Variants in SEPTIN11 observed in about 807,000 individuals in gnomAD.
SEPTIN11 encodes the protein septin-11.
Under a neutral mutation model 51.4 loss-of-function variants are expected in SEPTIN11, and 25 were observed. The ratio of observed to expected loss-of-function variants is 0.49; its 90% CI spans 0.35 to 0.68. The LOEUF is 0.68. Among genes scored for constraint, SEPTIN11 ranks in the 30% least tolerant of loss-of-function variants. SEPTIN11 has a pLI of 0.00. For synonymous variants in SEPTIN11, 174 were observed against 184.1 expected (o/e 0.95, Z 0.44); for missense variants, 381 against 520.8 (o/e 0.73, Z 2.61).
intron 7 of SEPTIN11, among the ~76,000 whole-genome samples, chr4:77,026,428 A>G (rs922275373): frequency 1.3e-5 from 2 of 152,240 alleles, no homozygotes; most frequent in African/African-American, 2.4e-5. Context: ...ATTTTGCCTT[A>G]CCAGACATCC....
intron 2 of SEPTIN11, among the ~76,000 whole-genome samples, chr4:76,999,147 C>T (rs769641730): frequency 9.2e-5 from 14 of 152,178 alleles, no homozygotes; most frequent in Non-Finnish European, 1.3e-4. Flanking sequence ...CTCTCCAGGT[C>T]GTTTTCCATA....
intron 1 of SEPTIN11, chr4:76,958,928 T>C: frequency 7.3e-7 from 1 of 1,367,276 alleles, no homozygotes; most frequent in East Asian, 2.3e-5. Context: ...CTTTTGTCCC[T>C]TCTTAAAAAA....
chr4:77,003,221 T>C lies in SEPTIN11; in HGVS notation c.143-2380T>C, dbSNP rs749508452. 2.0e-5 allele frequency among the ~76,000 whole-genome samples: 3 copies of C among 152,202 alleles called. No homozygotes were observed. The East Asian group carries it at 5.8e-4, about 29-fold the overall frequency. On this transcript the variant is annotated intron_variant, in intron 2 of 9. Transcript: ENST00000264893. Reference sequence around the variant, plus strand: ...CTCTCCAATGTGGAGCCCCAGCTCATAGTGAAATGATTGGGCTTCTGTTGT... The same window carrying C: ...CTCTCCAATGTGGAGCCCCAGCTCACAGTGAAATGATTGGGCTTCTGTTGT...
At chr4:76,973,746 C>T (rs1447904866) in intron 1 of SEPTIN11, among the ~76,000 whole-genome samples, 4 of 152,088 alleles carry the variant, frequency 2.6e-5, no homozygotes, top group African/African-American at 9.7e-5. Flanking sequence ...AGAACTTGGG[C>T]GAATTTCTTT....
intron 5 of SEPTIN11, 61 bp downstream of exon 5, chr4:77,015,078 A>G: frequency 6.5e-7 from 1 of 1,544,042 alleles, no homozygotes; most frequent in Non-Finnish European, 8.9e-7. Context: ...TAGTAGCAGC[A>G]TTGTAGAGTG....
intron 1 of SEPTIN11, 22 bp from the exon 2 acceptor site, chr4:76,996,403 T>G: frequency 1.3e-6 from 2 of 1,558,586 alleles, no homozygotes; most frequent in African/African-American, 1.4e-5. Context: ...GACACTCAAA[T>G]CTTTCTCCCC....
chr4:77,028,782 C>T, intron 8 of SEPTIN11, 21 bp downstream of exon 8: 2 of 1,593,314 alleles, frequency 1.3e-6, no homozygotes, highest in Non-Finnish European at 1.7e-6. Flanking sequence ...TGTCCTGCTT[C>T]AAGGGAAAGA....
chr4:76,960,176 C>T (rs987801109), intron 1 of SEPTIN11, among the ~76,000 whole-genome samples: 2 of 152,186 alleles, frequency 1.3e-5, no homozygotes, highest in African/African-American at 2.4e-5. Flanking sequence ...CACCTTTGCT[C>T]TCATTCTTTG....
intron 1 of SEPTIN11, among the ~76,000 whole-genome samples, chr4:76,963,190 G>T (rs1721891104): frequency 6.6e-6 from 1 of 152,188 alleles, no homozygotes; most frequent in Admixed American, 6.5e-5. Flanking sequence ...TCATTTCAGA[G>T]TTTTTTTGGT....
chr4:77,036,943 G>T lies in SEPTIN11; in HGVS notation c.*2431G>T. The stretch of plus-strand genomic sequence containing the variant: ...TTTTTCTTTTCAAGGGGGGCAGGAA[G>T]GTAATGGTTTGAGTAGCCTTTGTTT... On this transcript the variant is annotated 3_prime_UTR_variant, in exon 10 of 10. Transcript: ENST00000264893. 7.6e-7 allele frequency: 1 copy of T among 1,309,960 alleles called. No individual in the cohort carries two copies. Among genetic ancestry groups the T allele is most frequent in the Non-Finnish European group, 9.7e-7 (1 of 1,033,936 alleles). 81.1% of individuals were successfully genotyped at this position (1,309,960 alleles called of 1,614,324 possible).
At position 77,036,279 on chromosome 4, in the gene SEPTIN11, G is replaced by T; in HGVS notation, c.*1767G>T. On this transcript the variant is annotated 3_prime_UTR_variant, in exon 10 of 10. Transcript: ENST00000264893. Reference sequence around the variant, plus strand: ...GACCAACATTCTTGTTTTTGCTTTTGTTTTTTTAAATAATTCTAGTCTGGA... The same window carrying T: ...GACCAACATTCTTGTTTTTGCTTTTTTTTTTTTAAATAATTCTAGTCTGGA... 2 of 1,009,166 alleles carry T rather than the reference G, an allele frequency of 2.0e-6. No homozygotes were observed. The highest frequency in any genetic ancestry group is 2.4e-6 in the Non-Finnish European group (2 of 845,046). The allele number at this position is 1,009,166 out of a possible 1,614,324, so 62.5% of individuals were successfully genotyped here. A position where few individuals can be genotyped will look rare whatever the true frequency, so the allele number is the denominator to read the frequency against.
chr4:77,038,297 C>T lies in SEPTIN11; in HGVS notation c.*3785C>T. The T allele has an allele frequency of 2.0e-6, 2 of 985,554 alleles. No individual in the cohort carries two copies. Among genetic ancestry groups the T allele is most frequent in the Non-Finnish European group, 2.4e-6 (2 of 829,650 alleles). 61.1% of individuals were successfully genotyped at this position (985,554 alleles called of 1,614,324 possible). On this transcript the variant is annotated 3_prime_UTR_variant, in exon 10 of 10. Transcript: ENST00000264893. ...TTAAAATATGCTGATATGCCTTAAA[C>T]TGTAGTTGTAGATCCTTGTCATTTT...
intron 1 of SEPTIN11, among the ~76,000 whole-genome samples, chr4:76,989,295 A>C (rs1371978944): frequency 6.6e-6 from 1 of 152,246 alleles, no homozygotes; most frequent in Non-Finnish European, 1.5e-5. Flanking sequence ...AATTTAAAAA[A>C]AAATAAATTT....
At chr4:76,993,075 A>G (rs1053410739) in intron 1 of SEPTIN11, among the ~76,000 whole-genome samples, 3 of 152,054 alleles carry the variant, frequency 2.0e-5, no homozygotes, top group Non-Finnish European at 4.4e-5. Context: ...AGAGGGTGAG[A>G]TCAAGTCAGG....
chr4:76,964,298 ATTTT>A (rs34041277), intron 1 of SEPTIN11, among the ~76,000 whole-genome samples: 67,813 of 133,250 alleles, frequency 0.51, 16,352 homozygotes, highest in Middle Eastern at 0.59. Flanking sequence ...TTGGCCAATC[ATTTT>A]TTTTTTTTTT....
intron 7 of SEPTIN11, chr4:77,021,714 A>ATGTC (rs1463263701): frequency 1.3e-5 from 2 of 152,316 alleles, no homozygotes; most frequent in African/African-American, 4.8e-5. Flanking sequence ...ACACACTCTG[A>ATGTC]TGTCTACAAG....
intron 7 of SEPTIN11, among the ~76,000 whole-genome samples, chr4:77,025,043 C>T (rs1726012015): frequency 6.6e-6 from 1 of 152,172 alleles, no homozygotes; most frequent in Admixed American, 6.5e-5. Flanking sequence ...ACTGAAGTGT[C>T]TGTGTTCGTT....
At chr4:76,979,327 G>A (rs1322882195) in intron 1 of SEPTIN11, among the ~76,000 whole-genome samples, 1 of 152,192 alleles carries the variant, frequency 6.6e-6, no homozygotes, top group Non-Finnish European at 1.5e-5. Context: ...GAAGAAAGTG[G>A]CATTTTGCCT....
At chr4:76,958,723 T>A in intron 1 of SEPTIN11, 1 of 550,604 alleles carries the variant, frequency 1.8e-6, no homozygotes, top group South Asian at 2.3e-5. Context: ...GTTGTTGTTG[T>A]TGTTAGAATT....
Sources: gnomAD v4.1 joint callset for allele counts (sites outside exome capture counted in the v4.1 genomes callset) on GRCh38, gnomAD v4.1.1 for gene constraint, MANE v1.5 for transcripts, NCBI Gene and HGNC (gene_info 2026-07-23, HGNC 2026-07-21) for gene names.